The following CPA6 variants were observed in gnomAD, a reference collection of about 807,000 sequenced individuals.
CPA6 encodes carboxypeptidase B.
In CPA6, 58 loss-of-function variants were observed where a neutral mutation model predicts 63.3. The ratio of observed to expected loss-of-function variants is 0.92; its 90% CI spans 0.74 to 1.14. The LOEUF is 1.14. Among genes scored for constraint, CPA6 ranks in the 50% most tolerant of loss-of-function variants. The probability of loss-of-function intolerance (pLI) is 0.00; values close to 1 mark genes in which losing one functional copy is unlikely to be tolerated. For synonymous variants in CPA6, 185 were observed against 179.0 expected, an observed-to-expected ratio of 1.03 and a Z score of -0.27; for missense variants, 565 against 526.6, an observed-to-expected ratio of 1.07 and a Z score of -0.71.
chr8:67,521,734 T>C (rs550111856), intron 2 of CPA6, among the ~76,000 whole-genome samples: 1 of 152,170 alleles, frequency 6.6e-6, no homozygotes, highest in South Asian at 2.1e-4. Context: ...CAGGAAGCAA[T>C]AAATAAACGA....
chr8:67,552,724 C>T (rs190795968), intron 2 of CPA6, among the ~76,000 whole-genome samples: 65 of 125,078 alleles, frequency 5.2e-4, no homozygotes, highest in African/African-American at 1.7e-3. Context: ...ATGCAGTGAA[C>T]CAAGATGGTG....
chr8:67,422,256 C>T lies in CPA6; in HGVS notation c.*248G>A, dbSNP rs565267829. ...AGAAATGGGAAATTTGAAAACATTC[C>T]CTCCCACCATAATCAAATAAGACTC... On this transcript the variant is annotated 3_prime_UTR_variant, in exon 11 of 11. Transcript: ENST00000297770. 2.9e-6 allele frequency: 1 copy of T among 342,158 alleles called. No individual in the cohort carries two copies. The highest frequency in any genetic ancestry group is 7.8e-4 in the Middle Eastern group (1 of 1,274). The allele number at this position is 342,158 out of a possible 1,614,324, so 21.2% of individuals were successfully genotyped here. A position where few individuals can be genotyped will look rare whatever the true frequency, so the allele number is the denominator to read the frequency against.
rs986001642 is a variant in CPA6, at chr8:67,595,964, C to T, written c.192+28212G>A. 3.3e-5 allele frequency among the ~76,000 whole-genome samples: 5 copies of T among 152,188 alleles called. No individual in the cohort carries two copies. In the East Asian group the frequency reaches 7.7e-4, roughly 23 times the overall value. ...CTCAGATGGAAATGCAGAAATCACC[C>T]GTCTTCTGCGTCGCTCACGCTGGGA... On this transcript the variant is annotated intron_variant, in intron 2 of 10. Coordinates refer to ENST00000297770, the MANE Select transcript of CPA6 (RefSeq NM_020361.5).
At chr8:67,741,172 G>T (rs1375510447) in intron 1 of CPA6, among the ~76,000 whole-genome samples, 1 of 152,148 alleles carries the variant, frequency 6.6e-6, no homozygotes, top group Non-Finnish European at 1.5e-5. Flanking sequence ...TAAATGCAGG[G>T]CTGTCATGAG....
chr8:67,641,604 G>A (rs989209239), intron 1 of CPA6, among the ~76,000 whole-genome samples: 2 of 152,200 alleles, frequency 1.3e-5, no homozygotes, highest in Admixed American at 6.5e-5. Context: ...GCTGGAGAGA[G>A]TCTATTCTGT....
At chr8:67,427,998 T>C in intron 10 of CPA6, 49 bp downstream of exon 10, 1 of 1,233,498 alleles carries the variant, frequency 8.1e-7, no homozygotes, top group South Asian at 1.2e-5. Flanking sequence ...TGATACAGGA[T>C]ATTGGTTCAA....
At position 67,484,769 on chromosome 8, in the gene CPA6, A is replaced by C. The variant is rs1281587973; in HGVS notation, c.657T>G (p.Ser219Arg). The change falls in exon 7 of 11, where the codon AGT (serine) becomes AGG (arginine). Residue 219 changes from serine to arginine, a missense_variant. Transcript: ENST00000297770. ...FVKEALLTYK[S>R]DPAMRKMLNH... is the part of the protein sequence containing the mutation. ...TCAACATTTTTCTCATGGCTGGGTC[A>C]CTCTTATATGTTAGAAGAGCCTAAA... 6.2e-7 allele frequency: 1 copy of C among 1,603,308 alleles called. No homozygotes were observed.
At chr8:67,442,154 T>C (rs1048141895) in intron 8 of CPA6, among the ~76,000 whole-genome samples, 2 of 152,112 alleles carry the variant, frequency 1.3e-5, no homozygotes, top group African/African-American at 4.8e-5. Flanking sequence ...TATTTTAAAA[T>C]TACAAGTTGA....
At chr8:67,513,508 T>C (rs1387967076) in intron 3 of CPA6, among the ~76,000 whole-genome samples, 1 of 151,992 alleles carries the variant, frequency 6.6e-6, no homozygotes. Flanking sequence ...GAAAAAAAAA[T>C]GTAGACAGAT....
chr8:67,655,823 A>G (rs978854828), intron 1 of CPA6, among the ~76,000 whole-genome samples: 1 of 152,222 alleles, frequency 6.6e-6, no homozygotes, highest in Non-Finnish European at 1.5e-5. Flanking sequence ...GCAGAGAGAC[A>G]TAACACTGAG....
intron 1 of CPA6, among the ~76,000 whole-genome samples, chr8:67,707,447 T>C (rs1026551221): frequency 6.6e-6 from 1 of 152,254 alleles, no homozygotes; most frequent in Non-Finnish European, 1.5e-5. Flanking sequence ...TATTCCTCTC[T>C]ACCTGATTTC....
At chr8:67,597,653 T>C (rs1010116276) in intron 2 of CPA6, among the ~76,000 whole-genome samples, 1 of 152,224 alleles carries the variant, frequency 6.6e-6, no homozygotes, top group Non-Finnish European at 1.5e-5. Context: ...TCAGTTATTG[T>C]GTTTTTCAGT....
chr8:67,528,938 A>G (rs1812421578), intron 2 of CPA6, among the ~76,000 whole-genome samples: 1 of 151,388 alleles, frequency 6.6e-6, no homozygotes, highest in Non-Finnish European at 1.5e-5. Flanking sequence ...CTAAGGAGAG[A>G]CTATTGAAAA....
intron 1 of CPA6, among the ~76,000 whole-genome samples, chr8:67,716,151 C>CAAAAAAAAAAAAAAAAAAAAA (rs56275918): frequency 3.9e-5 from 3 of 76,548 alleles, no homozygotes; most frequent in African/African-American, 2.0e-4. Flanking sequence ...GAGCTTGTCT[C>CAAAAAAAAAAAAAAAAAAAAA]AAAAAAAAAA....
chr8:67,484,205 G>T (rs978231678), intron 7 of CPA6, among the ~76,000 whole-genome samples: 1 of 152,040 alleles, frequency 6.6e-6, no homozygotes, highest in Non-Finnish European at 1.5e-5. Flanking sequence ...GAGTAGCTGG[G>T]ACTACAGGCG....
At chr8:67,642,604 A>G (rs376372133) in intron 1 of CPA6, among the ~76,000 whole-genome samples, 2 of 152,186 alleles carry the variant, frequency 1.3e-5, no homozygotes, top group East Asian at 1.9e-4. Flanking sequence ...ATGAAGTTAT[A>G]GTAATTAGGA....
At chr8:67,495,150 G>T (rs1811683276) in intron 6 of CPA6, among the ~76,000 whole-genome samples, 1 of 151,640 alleles carries the variant, frequency 6.6e-6, no homozygotes, top group Admixed American at 6.6e-5. Flanking sequence ...GTAGTGTTGG[G>T]TACTTTCCTT....
At chr8:67,443,933 A>G (rs1810352658) in intron 8 of CPA6, among the ~76,000 whole-genome samples, 5 of 152,014 alleles carry the variant, frequency 3.3e-5, no homozygotes, top group Admixed American at 1.3e-4. Context: ...ATGTAAGGCA[A>G]TGAGGTGGGG....
At chr8:67,605,375 G>T (rs1814605812) in intron 2 of CPA6, among the ~76,000 whole-genome samples, 1 of 152,036 alleles carries the variant, frequency 6.6e-6, no homozygotes, top group Non-Finnish European at 1.5e-5. Context: ...AGATGCTCAA[G>T]TTCCTGATAT....
Sources: allele counts gnomAD v4.1 joint callset (sites outside exome capture counted in the v4.1 genomes callset), GRCh38; gene constraint gnomAD v4.1.1; transcripts MANE v1.5; gene names NCBI Gene and HGNC (gene_info 2026-07-23, HGNC 2026-07-21).